BBS2: variants seen among roughly 807,000 people sequenced by gnomAD.
BBS2 encodes the protein Bardet-Biedl syndrome 2.
Under a neutral mutation model 83.0 loss-of-function variants are expected in BBS2, and 62 were observed. That is an observed-to-expected ratio of 0.75 (90% CI 0.61 to 0.92). BBS2 has a LOEUF of 0.92. Ranked by LOEUF, BBS2 falls within the 40% of genes least tolerant of loss-of-function variation. The probability of loss-of-function intolerance (pLI) is 0.00; values close to 1 mark genes in which losing one functional copy is unlikely to be tolerated. For synonymous variants in BBS2, 303 were observed against 326.1 expected, an observed-to-expected ratio of 0.93 and a Z score of 0.76; for missense variants, 784 against 901.0, an observed-to-expected ratio of 0.87 and a Z score of 1.66.
chr16:56,480,837 TC>T (rs1156407028), downstream of BBS2, among the ~76,000 whole-genome samples: 1 of 152,114 alleles, frequency 6.6e-6, no homozygotes, highest in Admixed American at 6.5e-5. Context: ...TCCTGATGAT[TC>T]CCTCTCTGAT....
rs1198223603 is a variant in BBS2 at position 56,497,658 on chromosome 16, A to G, written c.1797+85T>C. The G allele has an allele frequency of 1.7e-5, 27 of 1,569,108 alleles. No homozygotes were observed. In the Middle Eastern group the frequency reaches 1.0e-3, roughly 58 times the overall value. On this transcript the variant is annotated intron_variant, in intron 14 of 16. Coordinates refer to ENST00000245157, the MANE Select transcript of BBS2 (RefSeq NM_031885.5). ...AAATTCTTGAAAACATCACTATAAC[A>G]TAAGTACATTTGTAGTACCATTAAT...
At chr16:56,512,564 T>C (rs1277243242) in intron 2 of BBS2, among the ~76,000 whole-genome samples, 2 of 152,190 alleles carry the variant, frequency 1.3e-5, no homozygotes, top group African/African-American at 4.8e-5. Flanking sequence ...TACTTTTATA[T>C]GCAACAATAT....
In BBS2 at chr16:56,492,157, C is replaced by T. The variant is rs181729178; in HGVS notation, c.1910+4810G>A. ...ATATATGATCTAGCAATCTCACTTC[C>T]GGGTATTTATCCAAATGAACTGAAG... On this transcript the variant is annotated intron_variant, in intron 15 of 16. Transcript: ENST00000245157. 1.6e-3 allele frequency among the ~76,000 whole-genome samples: 242 copies of T among 151,824 alleles called. 1 individual carries two copies. Among genetic ancestry groups the T allele is most frequent in the African/African-American group, 4.9e-3 (204 of 41,372 alleles).
rs1324164341 is a variant in BBS2 at position 56,484,472 on chromosome 16, T to G, written c.*289A>C. 1.8e-5 allele frequency: 5 copies of G among 273,400 alleles called. No individual in the cohort carries two copies. Among genetic ancestry groups the G allele is most frequent in the Non-Finnish European group, 3.5e-5 (5 of 141,052 alleles). The allele number at this position is 273,400 out of a possible 1,614,324, so 16.9% of individuals were successfully genotyped here. On this transcript the variant is annotated 3_prime_UTR_variant, in exon 17 of 17. Coordinates refer to ENST00000245157, the MANE Select transcript of BBS2 (RefSeq NM_031885.5). ...GCAATTTCAAGAAAAAAATATGTAT[T>G]TATATACCATAAATAAGCAAAATTG...
At chr16:56,512,964 C>G (rs552020882) in intron 2 of BBS2, among the ~76,000 whole-genome samples, 1 of 152,152 alleles carries the variant, frequency 6.6e-6, no homozygotes, top group South Asian at 2.1e-4. Flanking sequence ...ACCAGCCTGG[C>G]CAACATAGTG....
At chr16:56,518,368 G>A (rs2144207627) in intron 1 of BBS2, among the ~76,000 whole-genome samples, 1 of 152,306 alleles carries the variant, frequency 6.6e-6, no homozygotes. Context: ...TTCTAGTTGA[G>A]TGGCTCCAAG....
chr16:56,496,269 ACTT>A (rs1964114376), intron 15 of BBS2, among the ~76,000 whole-genome samples: 1 of 152,186 alleles, frequency 6.6e-6, no homozygotes, highest in African/African-American at 2.4e-5. Context: ...TACTGTACAT[ACTT>A]AACTTTTTTA....
intron 15 of BBS2, among the ~76,000 whole-genome samples, chr16:56,489,147 T>C (rs1963868303): frequency 6.6e-6 from 1 of 151,570 alleles, no homozygotes; most frequent in Admixed American, 6.6e-5. Context: ...GAGACTAGCC[T>C]GGGCAATATA....
intron 14 of BBS2, 106 bp downstream of exon 14, chr16:56,497,637 T>C: frequency 6.6e-7 from 1 of 1,506,238 alleles, no homozygotes; most frequent in Non-Finnish European, 9.1e-7. Flanking sequence ...TTGCAAAAAT[T>C]CTTGAAAACA....
chr16:56,482,481 C>CTA (rs1963679381), downstream of BBS2, among the ~76,000 whole-genome samples: 1 of 152,104 alleles, frequency 6.6e-6, no homozygotes, highest in Non-Finnish European at 1.5e-5. Flanking sequence ...TGATACTTTA[C>CTA]TACTTTGGAG....
intron 5 of BBS2, among the ~76,000 whole-genome samples, chr16:56,507,831 G>A (rs962926629): frequency 5.3e-5 from 8 of 152,058 alleles, no homozygotes; most frequent in Admixed American, 2.0e-4. Flanking sequence ...AGCTGGGCGC[G>A]GTGGCAGGTG....
intron 1 of BBS2, among the ~76,000 whole-genome samples, chr16:56,518,676 A>G (rs1244191240): frequency 9.9e-6 from 1 of 100,948 alleles, no homozygotes; most frequent in Non-Finnish European, 2.5e-5. Context: ...GCCTGTTATA[A>G]GTTATTAGCG....
Position 56,490,978 on chromosome 16 carries a change from G to T in BBS2, c.1911-5240C>A, listed in dbSNP as rs529983316. Among the ~76,000 whole-genome samples the T allele has an allele frequency of 6.6e-4, 100 of 152,030 alleles. No homozygotes were observed. In the South Asian group the frequency reaches 0.021, roughly 32 times the overall value. ...GGGTTTCACCATGTTAGTCAGGACG[G>T]TCTCGATCTCCTGGCCTCATGATCC... is the stretch of plus-strand genomic sequence containing the variant. On this transcript the variant is annotated intron_variant, in intron 15 of 16. Coordinates refer to ENST00000245157, the MANE Select transcript of BBS2 (RefSeq NM_031885.5).
intron 17 of BBS2, chr16:56,476,975 CA>C: frequency 6.6e-6 from 1 of 152,104 alleles, no homozygotes; most frequent in Non-Finnish European, 1.5e-5. Flanking sequence ...ACTAAAAATA[CA>C]AAATTAGCTG....
At position 56,506,141 on chromosome 16, in the gene BBS2, T is replaced by C; in HGVS notation, c.696A>G (p.Thr232=). Reference sequence around the variant, plus strand: ...TAACTTTAATTCTCCAGTATCGGGATGTTTTGTCATAAACTCCAACTGTGC... The same window carrying C: ...TAACTTTAATTCTCCAGTATCGGGACGTTTTGTCATAAACTCCAACTGTGC... ...SNGTVGVYDK[T]SRYWRIKSKN... Residue 232 remains threonine (T), a synonymous_variant, in exon 6 of 17, where the codon ACA becomes ACG. Transcript: ENST00000245157. 1 of 1,614,000 alleles carries C rather than the reference T, an allele frequency of 6.2e-7. No individual in the cohort carries two copies. Among genetic ancestry groups the C allele is most frequent in the Non-Finnish European group, 8.5e-7 (1 of 1,179,886 alleles).
intron 17 of BBS2, chr16:56,475,070 T>C: frequency 4.8e-6 from 5 of 1,040,998 alleles, no homozygotes; most frequent in South Asian, 3.1e-5. Flanking sequence ...TCTCACATCA[T>C]GGGATCTCAA....
intron 3 of BBS2, 106 bp from the exon 4 acceptor site, chr16:56,511,027 T>C: frequency 6.4e-7 from 1 of 1,555,556 alleles, no homozygotes; most frequent in South Asian, 1.1e-5. Context: ...ATGAATGCTA[T>C]TCGAATTATT....
chr16:56,506,724 AAAAG>A (rs1301974729), intron 5 of BBS2, among the ~76,000 whole-genome samples: 2 of 152,342 alleles, frequency 1.3e-5, no homozygotes, highest in East Asian at 1.9e-4. Flanking sequence ...TGCTAGAGGT[AAAAG>A]AAAGAACACA....
At chr16:56,487,773 A>T (rs2144101716) in intron 15 of BBS2, among the ~76,000 whole-genome samples, 1 of 152,318 alleles carries the variant, frequency 6.6e-6, no homozygotes, top group Non-Finnish European at 1.5e-5. Flanking sequence ...GAAAGAACAA[A>T]CAAGCACAAG....
Sources: allele counts gnomAD v4.1 joint callset (sites outside exome capture counted in the v4.1 genomes callset), GRCh38; gene constraint gnomAD v4.1.1; transcripts MANE v1.5; gene names NCBI Gene and HGNC (gene_info 2026-07-23, HGNC 2026-07-21).